Variants in C3orf22 observed in about 807,000 individuals in gnomAD.
C3orf22 encodes the protein uncharacterized protein C3orf22.
Under a neutral mutation model 10.8 loss-of-function variants are expected in C3orf22, and 7 were observed. The ratio of observed to expected loss-of-function variants is 0.65; its 90% CI spans 0.37 to 1.22. The LOEUF is 1.22. C3orf22 is among the 50% of genes most tolerant of loss of function. The pLI is 0.02. For missense variants in C3orf22, 173 were observed against 177.0 expected (o/e 0.98, Z 0.13); for synonymous variants, 79 against 78.9 (o/e 1.00, Z 0.00).
In C3orf22 at chr3:126,541,778, C is replaced by G. The variant is rs780867298; in HGVS notation, c.286+7759G>C. The G allele has an allele frequency of 1.8e-5, 27 of 1,532,446 alleles. 1 individual carries two copies. Among genetic ancestry groups the G allele is most frequent in the Non-Finnish European group, 2.3e-5 (26 of 1,141,334 alleles). The allele number at this position is 1,532,446 out of a possible 1,614,324, so 94.9% of individuals were successfully genotyped here. A position where few individuals can be genotyped will look rare whatever the true frequency, so the allele number is the denominator to read the frequency against. Reference sequence around the variant, plus strand: ...GAAGGTGCACCGGCAGCGGCGCGACCTGCTGAACAGCGCCTGTAGCCGCCA... The same window carrying G: ...GAAGGTGCACCGGCAGCGGCGCGACGTGCTGAACAGCGCCTGTAGCCGCCA... On this transcript the variant is annotated intron_variant and NMD_transcript_variant, in intron 4 of 5. Transcript: ENST00000505070.
At chr3:126,551,864 C>T in intron 3 of C3orf22, 133 bp downstream of exon 3, 1 of 989,274 alleles carries the variant, frequency 1.0e-6, no homozygotes, top group Admixed American at 3.0e-5. Context: ...CCTTCTCTGC[C>T]TCAGTTTCCT....
intron 4 of C3orf22, among the ~76,000 whole-genome samples, chr3:126,538,015 G>C (rs559733658): frequency 6.6e-6 from 1 of 152,204 alleles, no homozygotes; most frequent in Non-Finnish European, 1.5e-5. Flanking sequence ...TCCAGCTTTA[G>C]AGTCCCAAGG....
chr3:126,557,867 C>A (rs12636448), intron 1 of C3orf22, among the ~76,000 whole-genome samples: 82,982 of 152,094 alleles, frequency 0.55, 24,474 homozygotes, highest in South Asian at 0.74. Context: ...TACACCAGTG[C>A]TGGCTAAAGG....
chr3:126,553,420 C>G lies in C3orf22; in HGVS notation c.-30G>C. The stretch of plus-strand genomic sequence containing the variant: ...GAGTGGGTTAAGCTGAGGCACACCT[C>G]TCAGCCATGGCTGGAAGACAAGAGG... On this transcript the variant is annotated 5_prime_UTR_variant, in exon 2 of 4. Transcript: ENST00000318225. 1 of 1,601,686 alleles carries G rather than the reference C, an allele frequency of 6.2e-7. No homozygotes were observed. Among genetic ancestry groups the G allele is most frequent in the Non-Finnish European group, 8.6e-7 (1 of 1,169,324 alleles).
At chr3:126,543,748 GTGTA>G (rs1198139212) in intron 4 of C3orf22, among the ~76,000 whole-genome samples, 1 of 152,028 alleles carries the variant, frequency 6.6e-6, no homozygotes, top group Non-Finnish European at 1.5e-5. Context: ...GAGGAATTGT[GTGTA>G]TGTGTATGTG....
In C3orf22 at chr3:126,550,029, G is replaced by A. The variant is rs1177403420; in HGVS notation, c.265C>T (p.Leu89=). 8.1e-6 allele frequency: 13 copies of A among 1,614,064 alleles called. No individual in the cohort carries two copies. The highest frequency in any genetic ancestry group is 1.1e-5 in the Non-Finnish European group (13 of 1,179,968). ...AGTGGAGGTGGTGATGGTGCTGGTA[G>A]TGGTGCCGGGCAGGAGCCAGACGGT... ...TSPSGSCPAP[L]PAPSPPPLCN... is the part of the protein sequence containing the mutation. Residue 89 remains leucine (L), a synonymous_variant, in exon 4 of 4, where the codon CTA becomes TTA. Coordinates refer to ENST00000318225, the MANE Select transcript of C3orf22 (RefSeq NM_152533.3).
chr3:126,552,349 C>A (rs111595492), intron 2 of C3orf22, among the ~76,000 whole-genome samples: 6,794 of 152,340 alleles, frequency 0.045, 232 homozygotes, highest in African/African-American at 0.094. Context: ...AACTAAGCTG[C>A]AGCCTGCTCC....
At chr3:126,532,463 G>A (rs1020832169) in intron 4 of C3orf22, among the ~76,000 whole-genome samples, 4 of 151,098 alleles carry the variant, frequency 2.6e-5, no homozygotes, top group South Asian at 2.1e-4. Flanking sequence ...TGAAGATGGG[G>A]TACAACTTCA....
intron 4 of C3orf22, chr3:126,542,525 A>G: frequency 1.3e-6 from 2 of 1,543,862 alleles, no homozygotes; most frequent in South Asian, 2.5e-5. Context: ...CCTCTACAAG[A>G]TGGACTTCCT....
intron 4 of C3orf22, among the ~76,000 whole-genome samples, chr3:126,536,649 G>A (rs1158679806): frequency 6.6e-6 from 1 of 152,000 alleles, no homozygotes; most frequent in Non-Finnish European, 1.5e-5. Flanking sequence ...CTGCCCTCAG[G>A]AAGTTTACAG....
chr3:126,536,924 C>CA (rs1553813737), intron 4 of C3orf22, among the ~76,000 whole-genome samples: 1 of 147,076 alleles, frequency 6.8e-6, no homozygotes. Context: ...CACACACACA[C>CA]CCCACACACA....
chr3:126,537,599 C>G (rs1936825489), intron 4 of C3orf22, among the ~76,000 whole-genome samples: 1 of 152,190 alleles, frequency 6.6e-6, no homozygotes, highest in Non-Finnish European at 1.5e-5. Flanking sequence ...CTGGGCCACA[C>G]AGCAGGCTGA....
At chr3:126,538,045 G>A (rs1322177161) in intron 4 of C3orf22, among the ~76,000 whole-genome samples, 3 of 152,206 alleles carry the variant, frequency 2.0e-5, no homozygotes, top group Admixed American at 6.5e-5. Context: ...TGGAGCCCCG[G>A]CTTCCCCAAA....
chr3:126,529,428 G>T, intron 4 of C3orf22: 1 of 1,282,878 alleles, frequency 7.8e-7, no homozygotes, highest in Non-Finnish European at 1.0e-6. Flanking sequence ...CCAGAGGCAG[G>T]GCAGCATGGG....
Position 126,541,937 on chromosome 3 carries a change from G to C in C3orf22, c.286+7600C>G, listed in dbSNP as rs776579439. ...GAAGCGCGTGCTGCTGGCGCTGAGCGGCCAAGCCCGCGGCGACCCGCGCGC... is the reference window on the plus strand; with the variant it reads ...GAAGCGCGTGCTGCTGGCGCTGAGCCGCCAAGCCCGCGGCGACCCGCGCGC... On this transcript the variant is annotated intron_variant and NMD_transcript_variant, in intron 4 of 5. Transcript: ENST00000505070. 2.2e-5 allele frequency: 35 copies of C among 1,591,390 alleles called. 1 individual carries two copies. The highest frequency in any genetic ancestry group is 2.1e-4 in the African/African-American group (15 of 73,028).
chr3:126,552,601 C>T (rs748072796), intron 2 of C3orf22, among the ~76,000 whole-genome samples: 2 of 152,208 alleles, frequency 1.3e-5, no homozygotes, highest in Non-Finnish European at 2.9e-5. Context: ...TGGAGCTCAT[C>T]GTCCCCACCT....
intron 3 of C3orf22, among the ~76,000 whole-genome samples, chr3:126,550,286 A>C (rs534174233): frequency 3.6e-4 from 55 of 152,068 alleles, no homozygotes; most frequent in Middle Eastern, 3.4e-3. Context: ...TCACCCCCCC[A>C]CACAGGCTCC....
At chr3:126,538,748 T>C (rs1254721514) in intron 4 of C3orf22, among the ~76,000 whole-genome samples, 2 of 152,200 alleles carry the variant, frequency 1.3e-5, no homozygotes, top group African/African-American at 4.8e-5. Flanking sequence ...GTCTCCCAGG[T>C]GTCCCCATAC....
exon 5 of C3orf22, chr3:126,529,292 G>A (rs898946419): frequency 2.4e-5 from 31 of 1,285,176 alleles, no homozygotes; most frequent in Non-Finnish European, 2.9e-5. Flanking sequence ...TGCAGCAATC[G>A]CATGGCCTTG....
Sources: allele counts gnomAD v4.1 joint callset (sites outside exome capture counted in the v4.1 genomes callset), GRCh38; gene constraint gnomAD v4.1.1; transcripts MANE v1.5; gene names NCBI Gene and HGNC (gene_info 2026-07-23, HGNC 2026-07-21).